The following PIK3C2A variants were observed in gnomAD, a reference collection of about 807,000 sequenced individuals.
PIK3C2A encodes phosphatidylinositol 4-phosphate 3-kinase C2 domain-containing subunit alpha.
A neutral mutation model predicts 204.5 loss-of-function variants in PIK3C2A; 97 were observed. That is an observed-to-expected ratio of 0.47 (90% CI 0.40 to 0.56). The LOEUF is 0.56. PIK3C2A is among the 20% of genes least tolerant of loss of function. The probability of loss-of-function intolerance (pLI) is 0.00; values close to 1 mark genes in which losing one functional copy is unlikely to be tolerated. For missense variants in PIK3C2A, 1,735 were observed against 1,969.2 expected (o/e 0.88, Z 2.25); for synonymous variants, 653 against 664.4 (o/e 0.98, Z 0.26).
intron 1 of PIK3C2A, among the ~76,000 whole-genome samples, chr11:17,180,817 G>A (rs952531801): frequency 1.3e-5 from 2 of 152,108 alleles, no homozygotes; most frequent in Non-Finnish European, 2.9e-5. Context: ...TTCAGACTAC[G>A]GTCACAAGTA....
chr11:17,190,722 A>G (rs1851912070), intron 1 of PIK3C2A, among the ~76,000 whole-genome samples: 1 of 152,172 alleles, frequency 6.6e-6, no homozygotes, highest in Non-Finnish European at 1.5e-5. Flanking sequence ...AAAATCAATA[A>G]TTAATTAGAT....
chr11:17,167,931 T>C (rs886394952), intron 2 of PIK3C2A, among the ~76,000 whole-genome samples: 24 of 152,092 alleles, frequency 1.6e-4, no homozygotes, highest in African/African-American at 5.8e-4. Context: ...GGGTTATTTA[T>C]TCATTGATTC....
In PIK3C2A at chr11:17,101,338, G is replaced by A; in HGVS notation, c.3948C>T (p.Cys1316=). The A allele has an allele frequency of 1.3e-6, 2 of 1,593,814 alleles. No individual in the cohort carries two copies. Among genetic ancestry groups the A allele is most frequent in the Non-Finnish European group, 1.7e-6 (2 of 1,165,100 alleles). ...TTCTTATCAAGTTGTAGGCCTGACA[G>A]CAGAGGTCCACAAACAACTGAAAAC... ...TIRFQLFVDL[C]CQAYNLIRKQ... is the part of the protein sequence containing the mutation. Residue 1316 remains cysteine, a synonymous_variant, in exon 25 of 33, where the codon TGC becomes TGT. Transcript: ENST00000691414.
In PIK3C2A at chr11:17,145,728, G is replaced by C. The variant is rs113876830; in HGVS notation, c.1644C>G (p.His548Gln). The C allele has an allele frequency of 2.5e-6, 4 of 1,604,060 alleles. No individual in the cohort carries two copies. The highest frequency in any genetic ancestry group is 2.2e-5 in the South Asian group (2 of 90,696). ...EKPCKEAMTRHPVEELLDSYH... is the reference protein window; with the variant it reads ...EKPCKEAMTRQPVEELLDSYH... Reference sequence around the variant, plus strand: ...AAGAATCTAAGAGTTCTTCAACAGGGTGTCTGAAAGAAACAACAGTTATTG... The same window carrying C: ...AAGAATCTAAGAGTTCTTCAACAGGCTGTCTGAAAGAAACAACAGTTATTG... The change falls in exon 8 of 33, where the codon CAC (histidine) becomes CAG (glutamine). Residue 548 changes from histidine (H) to glutamine (Q), a missense_variant. This residue lies in a region of PIK3C2A where 106 missense variants were observed against 108.2 expected (regional missense o/e 0.98). Coordinates refer to ENST00000691414, the MANE Select transcript of PIK3C2A (RefSeq NM_002645.4).
At chr11:17,095,085 T>TA (rs1295614815) in intron 27 of PIK3C2A, among the ~76,000 whole-genome samples, 4 of 151,968 alleles carry the variant, frequency 2.6e-5, no homozygotes, top group South Asian at 4.1e-4. Flanking sequence ...TCTGTTTCTA[T>TA]AAAAAATATA....
At chr11:17,165,484 A>G (rs939203914) in intron 2 of PIK3C2A, among the ~76,000 whole-genome samples, 11 of 152,116 alleles carry the variant, frequency 7.2e-5, no homozygotes, top group East Asian at 1.9e-4. Context: ...AGTTTGAAAA[A>G]GGGAGGGCTG....
chr11:17,162,339 T>TAA (rs1160583333), intron 2 of PIK3C2A, among the ~76,000 whole-genome samples: 59 of 131,798 alleles, frequency 4.5e-4, no homozygotes, highest in Middle Eastern at 3.9e-3. Context: ...AGACTCCATC[T>TAA]AAAAAAAAAA....
rs765861760 is a variant in PIK3C2A, at chr11:17,119,900, T to C, written c.2732A>G (p.Lys911Arg). 2.7e-5 allele frequency: 44 copies of C among 1,611,716 alleles called. No homozygotes were observed. Among genetic ancestry groups the C allele is most frequent in the Non-Finnish European group, 3.7e-5 (44 of 1,178,662 alleles). Residue 911 changes from lysine (K) to arginine (R), a missense_variant, in exon 16 of 33, where the codon AAA becomes AGA. Physicochemically the swap from Lys to Arg is conservative, Grantham distance 26 (BLOSUM62 2). Around this residue, in one of 6 missense-constraint regions of PIK3C2A, gnomAD observed 567 missense variants for 576.0 expected, o/e 0.98. Transcript: ENST00000691414. ...YCFKHPNCLP[K>R]ILASAPNWKW... ...CCAGTTTGGGGCGCTTGCTAATATT[T>C]TAGGAAGACAATTTGGGTGTTTGAA... is the stretch of plus-strand genomic sequence containing the variant.
chr11:17,154,816 C>T (rs1850529635), intron 3 of PIK3C2A, among the ~76,000 whole-genome samples: 1 of 152,168 alleles, frequency 6.6e-6, no homozygotes, highest in African/African-American at 2.4e-5. Flanking sequence ...TGTTAATGAA[C>T]TCTATCCCAT....
chr11:17,205,347 G>C (rs186566510), intron 1 of PIK3C2A, among the ~76,000 whole-genome samples: 2 of 150,588 alleles, frequency 1.3e-5, no homozygotes, highest in Non-Finnish European at 3.0e-5. Context: ...AGCGGCACAC[G>C]CCTGTAGTCC....
intron 3 of PIK3C2A, among the ~76,000 whole-genome samples, chr11:17,152,869 ATAAAT>A (rs1345892544): frequency 6.6e-6 from 1 of 152,192 alleles, no homozygotes; most frequent in East Asian, 1.9e-4. Context: ...AAAATTTCAA[ATAAAT>A]TAATATTATT....
At chr11:17,132,856 G>A (rs1849745730) in intron 11 of PIK3C2A, among the ~76,000 whole-genome samples, 1 of 152,128 alleles carries the variant, frequency 6.6e-6, no homozygotes, top group Admixed American at 6.6e-5. Context: ...GGGGACAGAT[G>A]CTATTGAATT....
At chr11:17,106,014 C>T (rs1216291429) in intron 22 of PIK3C2A, among the ~76,000 whole-genome samples, 3 of 151,722 alleles carry the variant, frequency 2.0e-5, no homozygotes, top group Non-Finnish European at 2.9e-5. Flanking sequence ...GAGGCTGAGG[C>T]AGGAGAATCC....
intron 6 of PIK3C2A, 30 bp downstream of exon 6, chr11:17,147,487 A>G: frequency 8.5e-7 from 1 of 1,170,470 alleles, no homozygotes; most frequent in Non-Finnish European, 1.3e-6. Flanking sequence ...ATTCAAACAA[A>G]TGGAATTCAG....
At chr11:17,133,621 G>A (rs1169972688) in intron 11 of PIK3C2A, among the ~76,000 whole-genome samples, 1 of 151,952 alleles carries the variant, frequency 6.6e-6, no homozygotes, top group Non-Finnish European at 1.5e-5. Context: ...TTCATACATT[G>A]ATTTTCAAAT....
chr11:17,093,571 A>T (rs965143596), intron 28 of PIK3C2A, among the ~76,000 whole-genome samples: 1 of 149,546 alleles, frequency 6.7e-6, no homozygotes, highest in African/African-American at 2.5e-5. Context: ...GCCATGCTTC[A>T]GTTTTTTTAG....
At position 17,114,463 on chromosome 11, in the gene PIK3C2A, A is replaced by C. The variant is rs754154260; in HGVS notation, c.3219T>G (p.Val1073=). The C allele has an allele frequency of 1.1e-5, 15 of 1,412,336 alleles. No individual in the cohort carries two copies. The highest frequency in any genetic ancestry group is 1.4e-5 in the Non-Finnish European group (14 of 997,520). 87.5% of individuals were successfully genotyped at this position (1,412,336 alleles called of 1,614,324 possible). A position where few individuals can be genotyped will look rare whatever the true frequency, so the allele number is the denominator to read the frequency against. Residue 1073 remains valine, a splice_region_variant and synonymous_variant, in exon 20 of 33, where the codon GTT becomes GTG. Coordinates refer to ENST00000691414, the MANE Select transcript of PIK3C2A (RefSeq NM_002645.4). ...VRQASGSARQ[V]VLQRSMERVQ... The stretch of plus-strand genomic sequence containing the variant: ...CTCGTTCCATACTTCTTTGGAGAAC[A>C]ACCTATAGAAAGAGATGTGATACTG...
intron 17 of PIK3C2A, among the ~76,000 whole-genome samples, 153 bp downstream of exon 17, chr11:17,119,067 G>A (rs948102031): frequency 2.0e-5 from 3 of 152,102 alleles, no homozygotes; most frequent in Non-Finnish European, 4.4e-5. Context: ...CAATAGTGGG[G>A]AAAAAATTCA....
chr11:17,173,903 A>C (rs1014248781), intron 1 of PIK3C2A, among the ~76,000 whole-genome samples: 3 of 152,158 alleles, frequency 2.0e-5, no homozygotes, highest in Non-Finnish European at 4.4e-5. Context: ...CCTGGGTTCA[A>C]GCGATTCTCC....
Sources: allele counts gnomAD v4.1 joint callset (sites outside exome capture counted in the v4.1 genomes callset), GRCh38; gene constraint gnomAD v4.1.1; regional missense constraint gnomAD v4.1.1; transcripts MANE v1.5; gene names NCBI Gene and HGNC (gene_info 2026-07-23, HGNC 2026-07-21).